CDK14: variants seen among roughly 807,000 people sequenced by gnomAD.
CDK14 encodes cyclin-dependent kinase 14.
Under a neutral mutation model 60.7 loss-of-function variants are expected in CDK14, and 34 were observed. The observed-to-expected ratio is 0.56, with a 90% CI of 0.43 to 0.75. The LOEUF is 0.75. Ranked by LOEUF, CDK14 falls within the 30% of genes least tolerant of loss-of-function variation. The pLI, the probability that CDK14 is intolerant of heterozygous loss-of-function variation, is 0.00. For missense variants in CDK14, 482 were observed against 564.1 expected (o/e 0.85, Z 1.47); for synonymous variants, 197 against 203.7 (o/e 0.97, Z 0.28).
intron 6 of CDK14, among the ~76,000 whole-genome samples, chr7:90,876,104 T>C (rs1791551402): frequency 6.6e-6 from 1 of 152,184 alleles, no homozygotes; most frequent in Non-Finnish European, 1.5e-5. Context: ...AGAAGCAATA[T>C]GATTGGGAAT....
chr7:90,774,808 T>C (rs1022955648), intron 4 of CDK14, among the ~76,000 whole-genome samples: 1 of 152,080 alleles, frequency 6.6e-6, no homozygotes, highest in Non-Finnish European at 1.5e-5. Flanking sequence ...TGGAGAAGAG[T>C]CTGAACTCTG....
chr7:90,695,001 A>G (rs2116596750), intron 2 of CDK14, among the ~76,000 whole-genome samples: 1 of 152,298 alleles, frequency 6.6e-6, no homozygotes, highest in South Asian at 2.1e-4. Flanking sequence ...TGTGATCAGA[A>G]TAATTCTTCC....
intron 8 of CDK14, among the ~76,000 whole-genome samples, chr7:90,952,251 C>T (rs989770864): frequency 2.0e-5 from 3 of 152,174 alleles, no homozygotes; most frequent in South Asian, 4.2e-4. Flanking sequence ...GTCGGGAGCA[C>T]TGTCCCGTGG....
intron 14 of CDK14, among the ~76,000 whole-genome samples, chr7:91,136,185 T>C (rs191080460): frequency 6.6e-6 from 1 of 152,298 alleles, no homozygotes; most frequent in African/African-American, 2.4e-5. Context: ...TATCTGGCAA[T>C]GTGAGTTTCT....
intron 2 of CDK14, among the ~76,000 whole-genome samples, chr7:90,675,396 T>C (rs1801179530): frequency 2.0e-5 from 1 of 49,246 alleles, no homozygotes; most frequent in Admixed American, 2.5e-4. Context: ...GGTCTGAATA[T>C]AGGATTTTTT....
intron 2 of CDK14, among the ~76,000 whole-genome samples, chr7:90,640,032 CTTG>C (rs1216039407): frequency 2.8e-4 from 43 of 152,106 alleles, no homozygotes; most frequent in African/African-American, 8.9e-4. Context: ...CACCCCTTTC[CTTG>C]ACCAGGAAAG....
intron 2 of CDK14, among the ~76,000 whole-genome samples, chr7:90,705,238 A>G (rs1181850962): frequency 6.6e-6 from 1 of 152,068 alleles, no homozygotes; most frequent in Admixed American, 6.6e-5. Flanking sequence ...TCGTATATAT[A>G]AAGTACTCTT....
intron 11 of CDK14, among the ~76,000 whole-genome samples, chr7:91,063,740 A>G (rs1160866598): frequency 1.3e-5 from 2 of 152,212 alleles, no homozygotes; most frequent in Non-Finnish European, 2.9e-5. Flanking sequence ...AAAAGGAGTA[A>G]TGTAGGATAG....
chr7:90,682,451 CAT>C (rs1563043044), intron 2 of CDK14, among the ~76,000 whole-genome samples: 1 of 152,128 alleles, frequency 6.6e-6, no homozygotes, highest in East Asian at 1.9e-4. Context: ...GATAGGTAGA[CAT>C]ATAGTCTCTT....
intron 10 of CDK14, among the ~76,000 whole-genome samples, chr7:91,031,597 G>T (rs1796760584): frequency 6.6e-6 from 1 of 152,102 alleles, no homozygotes; most frequent in Non-Finnish European, 1.5e-5. Flanking sequence ...GATTGCATGG[G>T]GCCTTAGCCA....
intron 7 of CDK14, among the ~76,000 whole-genome samples, chr7:90,912,426 A>G (rs2117399442): frequency 6.6e-6 from 1 of 152,346 alleles, no homozygotes; most frequent in East Asian, 1.9e-4. Context: ...TTTATTCAGC[A>G]TCAACCTCAT....
intron 5 of CDK14, among the ~76,000 whole-genome samples, chr7:90,837,287 T>C (rs73222728): frequency 0.15 from 22,163 of 151,032 alleles, 1,796 homozygotes; most frequent in Middle Eastern, 0.25. Flanking sequence ...TTTCTTTCTT[T>C]TTTCTTTTTT....
intron 5 of CDK14, among the ~76,000 whole-genome samples, chr7:90,793,113 G>C (rs1296969978): frequency 1.0e-5 from 1 of 96,226 alleles, no homozygotes. Context: ...TATAATCTTA[G>C]TGAGGTCAGA....
intron 6 of CDK14, among the ~76,000 whole-genome samples, chr7:90,873,209 C>G (rs896642688): frequency 6.6e-6 from 1 of 151,992 alleles, no homozygotes; most frequent in Non-Finnish European, 1.5e-5. Context: ...AGAGAAAGCT[C>G]CAGCTAAGGT....
At chr7:90,695,685 G>A (rs865959565) in intron 2 of CDK14, among the ~76,000 whole-genome samples, 1 of 152,084 alleles carries the variant, frequency 6.6e-6, no homozygotes, top group African/African-American at 2.4e-5. Flanking sequence ...TTCTGAGAAG[G>A]TGACATGTGA....
chr7:91,089,058 G>T lies in CDK14; in HGVS notation c.1154+9578G>T, dbSNP rs775162962. 2.4e-4 allele frequency among the ~76,000 whole-genome samples: 36 copies of T among 152,240 alleles called. No homozygotes were observed. In the Middle Eastern group the frequency reaches 0.014, roughly 58 times the overall value. ...GATTTTAACTACTTCACTGAAGCCA[G>T]GGCTTAAAAGATTAAACTTTTAGGG... On this transcript the variant is annotated intron_variant, in intron 12 of 14. Transcript: ENST00000380050.
intron 6 of CDK14, among the ~76,000 whole-genome samples, chr7:90,867,243 T>G (rs1791222041): frequency 6.6e-6 from 1 of 152,192 alleles, no homozygotes; most frequent in Non-Finnish European, 1.5e-5. Context: ...GGTTTAAGAC[T>G]TGGAAGAGAA....
At chr7:90,993,952 T>C (rs1795608188) in intron 10 of CDK14, among the ~76,000 whole-genome samples, 1 of 152,200 alleles carries the variant, frequency 6.6e-6, no homozygotes. Flanking sequence ...TCTTAAATGT[T>C]TTGAAAAAAA....
intron 10 of CDK14, among the ~76,000 whole-genome samples, chr7:90,996,072 G>C (rs992629491): frequency 1.3e-5 from 2 of 152,166 alleles, no homozygotes; most frequent in Non-Finnish European, 2.9e-5. Flanking sequence ...GTTTCTCACA[G>C]AGATACTTTT....
Sources: allele counts gnomAD v4.1 joint callset (sites outside exome capture counted in the v4.1 genomes callset), GRCh38; gene constraint gnomAD v4.1.1; transcripts MANE v1.5; gene names NCBI Gene and HGNC (gene_info 2026-07-23, HGNC 2026-07-21).